Variants in IQSEC1 observed in about 807,000 individuals in gnomAD.
IQSEC1 encodes the protein IQ motif and Sec7 domain ArfGEF 1.
IQSEC1 carries 31 observed loss-of-function variants against 91.0 expected under a neutral mutation model. That is an observed-to-expected ratio of 0.34 (90% CI 0.26 to 0.46). The LOEUF (loss-of-function observed/expected upper bound fraction) is 0.46, where lower values mean the gene tolerates loss of function less well. IQSEC1 is among the 20% of genes least tolerant of loss of function. The pLI, the probability that IQSEC1 is intolerant of heterozygous loss-of-function variation, is 1.00. For missense variants in IQSEC1, 1,388 were observed against 1,575.6 expected (o/e 0.88, Z 2.02); for synonymous variants, 699 against 662.6 (o/e 1.05, Z -0.84).
chr3:12,995,892 T>C (rs546112312), intron 1 of IQSEC1, among the ~76,000 whole-genome samples: 1 of 152,336 alleles, frequency 6.6e-6, no homozygotes, highest in East Asian at 1.9e-4. Context: ...AAAAATATTT[T>C]TAAGGGCTAG....
chr3:13,232,972 G>C (rs1284157099), intron 1 of IQSEC1, among the ~76,000 whole-genome samples: 1 of 152,198 alleles, frequency 6.6e-6, no homozygotes, highest in African/African-American at 2.4e-5. Context: ...CCCGGGGCTG[G>C]GGGAGGGAGG....
intron 1 of IQSEC1, among the ~76,000 whole-genome samples, chr3:12,955,895 C>T (rs1450029148): frequency 2.6e-5 from 4 of 151,926 alleles, no homozygotes; most frequent in Non-Finnish European, 2.9e-5. Context: ...GGGGGGTTCA[C>T]GAGGTCTCCA....
chr3:13,126,340 G>A (rs570700654), intron 2 of IQSEC1, among the ~76,000 whole-genome samples: 1 of 152,312 alleles, frequency 6.6e-6, no homozygotes, highest in South Asian at 2.1e-4. Context: ...CAAAGTTGCT[G>A]CGCATATCAA....
intron 1 of IQSEC1, among the ~76,000 whole-genome samples, chr3:13,071,117 G>C (rs566892554): frequency 6.7e-6 from 1 of 149,532 alleles, no homozygotes; most frequent in South Asian, 2.1e-4. Flanking sequence ...CTAGAAACCA[G>C]AATGTCTGGG....
intron 1 of IQSEC1, among the ~76,000 whole-genome samples, chr3:13,058,293 A>G (rs1008236295): frequency 2.0e-5 from 3 of 152,212 alleles, no homozygotes; most frequent in Non-Finnish European, 2.9e-5. Context: ...AAAGGAAAAA[A>G]TAATTTTCAA....
At chr3:13,095,576 T>C (rs1289053755) in intron 2 of IQSEC1, among the ~76,000 whole-genome samples, 3 of 151,972 alleles carry the variant, frequency 2.0e-5, no homozygotes, top group Non-Finnish European at 2.9e-5. Context: ...CCCCCCTCCT[T>C]TCCCAGCCAT....
chr3:12,943,779 C>G (rs1488893086), intron 1 of IQSEC1, among the ~76,000 whole-genome samples: 3 of 152,256 alleles, frequency 2.0e-5, no homozygotes, highest in African/African-American at 4.8e-5. Context: ...GGGGCCCCAG[C>G]AGGCGGCCTG....
intron 1 of IQSEC1, among the ~76,000 whole-genome samples, chr3:12,991,181 T>G (rs1701971924): frequency 6.6e-6 from 1 of 152,128 alleles, no homozygotes; most frequent in Non-Finnish European, 1.5e-5. Context: ...GTGATAATGG[T>G]ATCCCCGCGG....
intron 1 of IQSEC1, among the ~76,000 whole-genome samples, chr3:13,273,357 T>C (rs994771084): frequency 1.3e-5 from 2 of 152,140 alleles, no homozygotes; most frequent in African/African-American, 2.4e-5. Context: ...GGGAGTGGCC[T>C]GGGTGTGGGA....
rs557333454 is a variant in IQSEC1 at position 12,901,113 on chromosome 3, T to C, written c.3215A>G (p.His1072Arg). The C allele has an allele frequency of 4.5e-6, 7 of 1,539,638 alleles. No individual in the cohort carries two copies. In the Admixed American group the frequency reaches 1.4e-4, roughly 30 times the overall value. ...PHGGHPAYGA[H>R]AHGHPPLPSA... ...GGGCAGCGGCGGGTGGCCGTGGGCA[T>C]GGGCCCCGTAGGCTGGGTGGCCCCC... Residue 1072 changes from histidine (H) to arginine (R), a missense_variant, in exon 14 of 14, where the codon CAT becomes CGT. Transcript: ENST00000613206.
Position 12,920,414 on chromosome 3 carries a change from G to T in IQSEC1, c.2020+16C>A. 2 of 1,611,328 alleles carry T rather than the reference G, an allele frequency of 1.2e-6. No homozygotes were observed. The highest frequency in any genetic ancestry group is 1.7e-6 in the Non-Finnish European group (2 of 1,177,664). On this transcript the variant is annotated intron_variant, in intron 6 of 13. Coordinates refer to ENST00000613206, the MANE Select transcript of IQSEC1 (RefSeq NM_001134382.3). ...GGAGCAAATCTGTGGCTGGCCGACC[G>T]CCTGAGACAGCTCACCTCGGAGGTT...
At chr3:12,939,822 A>G (rs76958763) in intron 2 of IQSEC1, among the ~76,000 whole-genome samples, 1,858 of 152,094 alleles carry the variant, frequency 0.012, 14 homozygotes, top group Non-Finnish European at 0.019. Flanking sequence ...TCTTTCCCCA[A>G]TGTTTAGAAT....
At chr3:13,031,982 A>G (rs1576192300) in intron 1 of IQSEC1, among the ~76,000 whole-genome samples, 1 of 152,126 alleles carries the variant, frequency 6.6e-6, no homozygotes, top group African/African-American at 2.4e-5. Context: ...ACCCACAGAA[A>G]AGTTGTGGGA....
At chr3:13,276,880 T>TG (rs909213227) in intron 1 of IQSEC1, among the ~76,000 whole-genome samples, 2 of 151,934 alleles carry the variant, frequency 1.3e-5, no homozygotes, top group Admixed American at 6.6e-5. Flanking sequence ...CTGCCCTGGG[T>TG]GGGGGCAGCA....
chr3:12,955,468 G>A (rs1485356139), intron 1 of IQSEC1, among the ~76,000 whole-genome samples: 1 of 152,216 alleles, frequency 6.6e-6, no homozygotes, highest in Non-Finnish European at 1.5e-5. Flanking sequence ...ATAGGGGGCC[G>A]ATGCCAACAC....
At chr3:13,162,023 C>T (rs1027901681) in intron 2 of IQSEC1, among the ~76,000 whole-genome samples, 1 of 152,200 alleles carries the variant, frequency 6.6e-6, no homozygotes, top group African/African-American at 2.4e-5. Flanking sequence ...ACAGCGCCTG[C>T]CTGGCAAATG....
intron 1 of IQSEC1, among the ~76,000 whole-genome samples, chr3:13,212,429 G>A (rs1489006501): frequency 1.3e-5 from 2 of 152,138 alleles, no homozygotes; most frequent in Non-Finnish European, 2.9e-5. Context: ...ATCAACTGAC[G>A]GACATTTGTG....
intron 6 of IQSEC1, among the ~76,000 whole-genome samples, chr3:12,917,326 G>A (rs1184481157): frequency 2.0e-5 from 3 of 152,158 alleles, no homozygotes; most frequent in East Asian, 1.9e-4. Context: ...AACGTAGAAC[G>A]ACCCTCATCC....
rs2124963978 is a variant in IQSEC1 at position 12,900,088 on chromosome 3, T to C, written c.*895A>G. ...TGTCCTGAGTTGCTACTGTAGAGTG[T>C]ACTGCAGTTTAGCTATTTGCTTACC... On this transcript the variant is annotated 3_prime_UTR_variant, in exon 14 of 14. Transcript: ENST00000613206. 2.0e-6 allele frequency: 2 copies of C among 981,214 alleles called. No individual in the cohort carries two copies. Among genetic ancestry groups the C allele is most frequent in the East Asian group, 1.1e-4 (1 of 8,806 alleles). The allele number at this position is 981,214 out of a possible 1,614,324, so 60.8% of individuals were successfully genotyped here. A position where few individuals can be genotyped will look rare whatever the true frequency, so the allele number is the denominator to read the frequency against.
Sources: allele counts gnomAD v4.1 joint callset (sites outside exome capture counted in the v4.1 genomes callset), GRCh38; gene constraint gnomAD v4.1.1; transcripts MANE v1.5; gene names NCBI Gene and HGNC (gene_info 2026-07-23, HGNC 2026-07-21).